The following HTR1F variants were observed in gnomAD, a reference collection of about 807,000 sequenced individuals.
The protein encoded by HTR1F is 5-hydroxytryptamine (serotonin) receptor 1F, G protein-coupled.
In HTR1F, 17 loss-of-function variants were observed where a neutral mutation model predicts 24.0. The observed-to-expected ratio is 0.71, with a 90% CI of 0.48 to 1.06. The LOEUF is 1.06. HTR1F is among the 50% of genes least tolerant of loss of function. The pLI is 0.00. For missense variants in HTR1F, 391 were observed against 427.8 expected (o/e 0.91, Z 0.76); for synonymous variants, 186 against 156.8 (o/e 1.19, Z -1.39).
chr3:87,847,461 C>T (rs1704971234), intron 2 of HTR1F, among the ~76,000 whole-genome samples: 1 of 151,742 alleles, frequency 6.6e-6, no homozygotes, highest in Admixed American at 6.6e-5. Context: ...TTGTTACATG[C>T]ATAGAATATG....
intron 2 of HTR1F, among the ~76,000 whole-genome samples, chr3:87,826,191 G>A (rs940775127): frequency 3.3e-5 from 5 of 152,144 alleles, no homozygotes; most frequent in African/African-American, 1.2e-4. Flanking sequence ...GGGGACCAAG[G>A]ATATCTTTAT....
At chr3:87,896,251 T>C (rs1031904495) in intron 2 of HTR1F, among the ~76,000 whole-genome samples, 6 of 152,150 alleles carry the variant, frequency 3.9e-5, no homozygotes, top group Admixed American at 6.5e-5. Flanking sequence ...CCAATAGTCA[T>C]AGCAGCAGCC....
chr3:87,873,841 A>T (rs923507246), intron 2 of HTR1F, among the ~76,000 whole-genome samples: 11 of 152,124 alleles, frequency 7.2e-5, no homozygotes, highest in Non-Finnish European at 1.0e-4. Context: ...AAATCAGTCA[A>T]TGTGATCTAC....
chr3:87,839,431 C>G (rs997513087), intron 2 of HTR1F, among the ~76,000 whole-genome samples: 1 of 152,014 alleles, frequency 6.6e-6, no homozygotes, highest in Non-Finnish European at 1.5e-5. Flanking sequence ...GTTTTTATGC[C>G]AGTACCATGC....
chr3:87,921,944 G>C (rs1704020760), intron 2 of HTR1F, among the ~76,000 whole-genome samples: 1 of 151,900 alleles, frequency 6.6e-6, no homozygotes, highest in Non-Finnish European at 1.5e-5. Flanking sequence ...TGGAAACTGA[G>C]GTTGATTCCA....
At chr3:87,884,104 A>C (rs1327959013) in intron 2 of HTR1F, among the ~76,000 whole-genome samples, 1 of 152,106 alleles carries the variant, frequency 6.6e-6, no homozygotes. Context: ...GAAAGGTTGG[A>C]TTACTCACAA....
At chr3:87,809,739 T>C (rs1327269386) in intron 1 of HTR1F, among the ~76,000 whole-genome samples, 1 of 152,074 alleles carries the variant, frequency 6.6e-6, no homozygotes, top group East Asian at 1.9e-4. Flanking sequence ...TTGTATGTTA[T>C]GGTGTTTGAT....
intron 2 of HTR1F, among the ~76,000 whole-genome samples, chr3:87,909,852 T>C (rs548523414): frequency 1.3e-5 from 2 of 151,944 alleles, no homozygotes; most frequent in Non-Finnish European, 2.9e-5. Flanking sequence ...TGCAGGTCTT[T>C]AGCGGGAGAA....
At position 87,987,629 on chromosome 3, in the gene HTR1F, T is replaced by TAA. The variant is rs1553684728; in HGVS notation, c.-42-3078_-42-3077dup. On this transcript the variant is annotated intron_variant, in intron 2 of 2. Coordinates refer to ENST00000319595, the MANE Select transcript of HTR1F (RefSeq NM_001322209.2). ...AAAAATACGGAAATATATATATATA[T>TAA]AATATATGTATTTTATATATATATA... Among the ~76,000 whole-genome samples, 48 of 67,844 alleles carry TAA rather than the reference T, an allele frequency of 7.1e-4. 6 individuals carry two copies. The highest frequency in any genetic ancestry group is 2.1e-3 in the African/African-American group (38 of 18,434). The allele number at this position is 67,844 out of a possible 152,430, so 44.5% of individuals were successfully genotyped here. A position where few individuals can be genotyped will look rare whatever the true frequency, so the allele number is the denominator to read the frequency against.
At chr3:87,919,889 A>G (rs1703974049) in intron 2 of HTR1F, among the ~76,000 whole-genome samples, 1 of 152,042 alleles carries the variant, frequency 6.6e-6, no homozygotes, top group Admixed American at 6.6e-5. Context: ...TAGGAAAGGG[A>G]GTCATTACAC....
At chr3:87,825,044 A>G (rs1236444428) in intron 2 of HTR1F, among the ~76,000 whole-genome samples, 2 of 152,232 alleles carry the variant, frequency 1.3e-5, no homozygotes, top group Non-Finnish European at 2.9e-5. Context: ...TATGCCAATT[A>G]TTTCAAATTG....
In HTR1F at chr3:87,888,494, G is replaced by A. The variant is rs372613849; in HGVS notation, c.-43+66370G>A. Among the ~76,000 whole-genome samples, 7 of 151,796 alleles carry A rather than the reference G, an allele frequency of 4.6e-5. No homozygotes were observed. The South Asian group carries it at 1.2e-3, about 27-fold the overall frequency. ...AAAAATAAAATAAAATAAAATAGAA[G>A]TATGAAATTACTAAATACATTGAGT... On this transcript the variant is annotated intron_variant, in intron 2 of 2. Coordinates refer to ENST00000319595, the MANE Select transcript of HTR1F (RefSeq NM_001322209.2).
intron 2 of HTR1F, among the ~76,000 whole-genome samples, chr3:87,825,551 T>C (rs1704445655): frequency 6.6e-6 from 1 of 152,192 alleles, no homozygotes; most frequent in African/African-American, 2.4e-5. Context: ...CTCTCCTTCA[T>C]TTCATATATC....
intron 2 of HTR1F, among the ~76,000 whole-genome samples, chr3:87,984,082 T>C (rs1705609492): frequency 6.6e-6 from 1 of 152,220 alleles, no homozygotes; most frequent in African/African-American, 2.4e-5. Flanking sequence ...CCCCCAACTC[T>C]AGCCCTAAAG....
chr3:87,845,530 T>C (rs1298874370), intron 2 of HTR1F, among the ~76,000 whole-genome samples: 1 of 149,600 alleles, frequency 6.7e-6, no homozygotes, highest in African/African-American at 2.5e-5. Context: ...TTACAAGGGA[T>C]GTGAAGGACC....
chr3:87,935,473 C>T (rs2107421761), intron 2 of HTR1F, among the ~76,000 whole-genome samples: 1 of 151,398 alleles, frequency 6.6e-6, no homozygotes, highest in Admixed American at 6.6e-5. Context: ...GTCTTATCCT[C>T]ATTAAAGATC....
At chr3:87,916,776 A>G (rs1703905053) in intron 2 of HTR1F, among the ~76,000 whole-genome samples, 1 of 152,094 alleles carries the variant, frequency 6.6e-6, no homozygotes, top group African/African-American at 2.4e-5. Flanking sequence ...TAATACTTCA[A>G]TACTCCACTG....
intron 2 of HTR1F, among the ~76,000 whole-genome samples, chr3:87,893,803 G>A (rs1454473324): frequency 2.0e-5 from 3 of 152,182 alleles, no homozygotes; most frequent in African/African-American, 7.2e-5. Flanking sequence ...CATCTAAAAT[G>A]ATTGCAAGTT....
At chr3:87,903,771 C>T (rs1340968326) in intron 2 of HTR1F, among the ~76,000 whole-genome samples, 3 of 152,194 alleles carry the variant, frequency 2.0e-5, no homozygotes, top group Admixed American at 1.3e-4. Flanking sequence ...CATCCCATTA[C>T]TGGGTATATA....
Sources: gnomAD v4.1 joint callset for allele counts (sites outside exome capture counted in the v4.1 genomes callset) on GRCh38, gnomAD v4.1.1 for gene constraint, MANE v1.5 for transcripts, NCBI Gene and HGNC (gene_info 2026-07-23, HGNC 2026-07-21) for gene names.